Variants in ADAD1 observed in about 807,000 individuals in gnomAD.
ADAD1 encodes adenosine deaminase domain containing 1.
In ADAD1, 46 loss-of-function variants were observed where a neutral mutation model predicts 66.8. The observed-to-expected ratio is 0.69, with a 90% CI of 0.54 to 0.88. The LOEUF (loss-of-function observed/expected upper bound fraction) is 0.88, where lower values mean the gene tolerates loss of function less well. ADAD1 is among the 40% of genes least tolerant of loss of function. The probability of loss-of-function intolerance (pLI) is 0.00; values close to 1 mark genes in which losing one functional copy is unlikely to be tolerated. For missense variants in ADAD1, 617 were observed against 681.8 expected (o/e 0.91, Z 1.06); for synonymous variants, 248 against 229.4 (o/e 1.08, Z -0.73).
At chr4:122,395,254 T>C (rs966066688) in intron 6 of ADAD1, among the ~76,000 whole-genome samples, 3 of 151,840 alleles carry the variant, frequency 2.0e-5, no homozygotes, top group African/African-American at 4.8e-5. Context: ...TTTCACCATG[T>C]AGACCAGACT....
intron 4 of ADAD1, 140 bp from the exon 5 acceptor site, chr4:122,383,659 C>G: frequency 6.5e-6 from 6 of 919,800 alleles, no homozygotes; most frequent in Non-Finnish European, 9.6e-6. Flanking sequence ...CCTATTGGTC[C>G]TACAAAAGGA....
At chr4:122,426,580 C>A (rs1222848223) in intron 12 of ADAD1, among the ~76,000 whole-genome samples, 1 of 152,014 alleles carries the variant, frequency 6.6e-6, no homozygotes, top group Non-Finnish European at 1.5e-5. Context: ...TGTGAAAATC[C>A]TTAGCAAGAT....
In ADAD1 at chr4:122,396,264, T is replaced by C. The variant is rs766697064; in HGVS notation, c.611T>C (p.Ile204Thr). Residue 204 changes from isoleucine (I) to threonine (T), a missense_variant, in exon 7 of 13, where the codon ATT (isoleucine) becomes ACT (threonine). Coordinates refer to ENST00000296513, the MANE Select transcript of ADAD1 (RefSeq NM_139243.4). ...VSKVHYEGRH[I>T]QYAKISQIVK... ...GATTTTTTTCTAGAAGGGAGACATA[T>C]TCAATATGCAAAGATTTCACAGATC... The C allele has an allele frequency of 2.4e-5, 38 of 1,589,434 alleles. No homozygotes were observed. The South Asian group carries it at 3.9e-4, about 16-fold the overall frequency.
chr4:122,429,405 A>G (rs1429180661), intron 12 of ADAD1, among the ~76,000 whole-genome samples: 2 of 152,010 alleles, frequency 1.3e-5, no homozygotes, highest in Admixed American at 6.6e-5. Context: ...GCATGACAGA[A>G]CAAGACCTTG....
At chr4:122,393,733 G>A (rs961318292) in intron 6 of ADAD1, 76 bp downstream of exon 6, 2 of 1,161,016 alleles carry the variant, frequency 1.7e-6, no homozygotes, top group Non-Finnish European at 2.4e-6. Flanking sequence ...ATTAAAATAA[G>A]CATAGGTATG....
At position 122,392,368 on chromosome 4, in the gene ADAD1, C is replaced by G. The variant is rs185527647; in HGVS notation, c.530-1221C>G. ...TACACAACTGTGGACTACTATGCAGCCATTAAAAAAATAAAGTCATGTCCT... is the reference window on the plus strand; with the variant it reads ...TACACAACTGTGGACTACTATGCAGGCATTAAAAAAATAAAGTCATGTCCT... On this transcript the variant is annotated intron_variant, in intron 5 of 12. Transcript: ENST00000296513. Among the ~76,000 whole-genome samples the G allele has an allele frequency of 8.5e-5, 13 of 152,180 alleles. No individual in the cohort carries two copies. In the East Asian group the frequency reaches 2.5e-3, roughly 29 times the overall value.
intron 4 of ADAD1, among the ~76,000 whole-genome samples, chr4:122,382,446 T>C (rs1173391315): frequency 1.3e-5 from 2 of 152,142 alleles, no homozygotes; most frequent in African/African-American, 4.8e-5. Flanking sequence ...ACTAATAAAT[T>C]TTAGGTAAAA....
intron 6 of ADAD1, 59 bp downstream of exon 6, chr4:122,393,716 C>T: frequency 7.6e-7 from 1 of 1,308,616 alleles, no homozygotes; most frequent in East Asian, 2.4e-5. Context: ...AAAATAGTAA[C>T]AACATAATTA....
chr4:122,407,736 A>C (rs566775129), intron 7 of ADAD1, among the ~76,000 whole-genome samples, 172 bp from the exon 8 acceptor site: 3 of 152,150 alleles, frequency 2.0e-5, no homozygotes, highest in African/African-American at 7.2e-5. Context: ...CTGCCTTTTT[A>C]ATTTTGCTTC....
In ADAD1 at chr4:122,403,425, C is replaced by T. The variant is rs1327533284; in HGVS notation, c.725-4483C>T. ...TAGCGAAGTGGACTCTGTGGGAATC[C>T]TTGGTTATAGTTTTGTTTAGTGTGC... On this transcript the variant is annotated intron_variant, in intron 7 of 12. Coordinates refer to ENST00000296513, the MANE Select transcript of ADAD1 (RefSeq NM_139243.4). Among the ~76,000 whole-genome samples the T allele has an allele frequency of 1.3e-5, 2 of 152,090 alleles. 1 individual carries two copies. The highest frequency in any genetic ancestry group is 4.8e-5 in the African/African-American group (2 of 41,416).
intron 12 of ADAD1, among the ~76,000 whole-genome samples, chr4:122,426,765 T>C (rs1389033687): frequency 6.6e-6 from 1 of 152,204 alleles, no homozygotes; most frequent in African/African-American, 2.4e-5. Context: ...ACAAAATGCG[T>C]TTGACAAAGT....
intron 3 of ADAD1, chr4:122,380,643 C>T (rs1794847689): frequency 6.5e-6 from 2 of 306,002 alleles, no homozygotes; most frequent in Non-Finnish European, 1.2e-5. Flanking sequence ...CCAGAAGCTA[C>T]GTTTTAGTCC....
At position 122,415,492 on chromosome 4, in the gene ADAD1, A is replaced by T; in HGVS notation, c.1363A>T (p.Ser455Cys). The T allele has an allele frequency of 6.2e-7, 1 of 1,613,980 alleles. No homozygotes were observed. Residue 455 changes from serine (S) to cysteine (C), a missense_variant, in exon 11 of 13, where the codon AGT (serine) becomes TGT (cysteine). Ser to Cys is a moderately radical substitution (Grantham distance 112, BLOSUM62 -1). Transcript: ENST00000296513. Reference protein sequence around the residue: ...MFYLVNRPHISLVPSAYPLQM... With the variant: ...MFYLVNRPHICLVPSAYPLQM... ...TTACTTAGTCAACAGACCTCATATT[A>T]GTTTAGTACCCTCTGCATATCCCCT... is the stretch of plus-strand genomic sequence containing the variant.
chr4:122,412,723 A>G lies in ADAD1; in HGVS notation c.1163A>G (p.Lys388Arg), dbSNP rs1796522813. Reference sequence around the variant, plus strand: ...ATAAGCAGTATGTCCTCAAGTGACAAATTGACCAGATGGGAAGTGCTTGGT... The same window carrying G: ...ATAAGCAGTATGTCCTCAAGTGACAGATTGACCAGATGGGAAGTGCTTGGT... ...NRISSMSSSDKLTRWEVLGVQ... is the reference protein window; with the variant it reads ...NRISSMSSSDRLTRWEVLGVQ... The change falls in exon 10 of 13, where the codon AAA (lysine) becomes AGA (arginine). Residue 388 changes from lysine to arginine, a missense_variant. Transcript: ENST00000296513. 1 of 1,613,802 alleles carries G rather than the reference A, an allele frequency of 6.2e-7. No homozygotes were observed.
chr4:122,399,101 T>C (rs1223559538), intron 7 of ADAD1, among the ~76,000 whole-genome samples: 2 of 152,188 alleles, frequency 1.3e-5, no homozygotes. Context: ...TATGGCTTAA[T>C]GTCTTAGATT....
At chr4:122,395,225 A>G (rs1289981728) in intron 6 of ADAD1, among the ~76,000 whole-genome samples, 4 of 152,016 alleles carry the variant, frequency 2.6e-5, no homozygotes, top group Admixed American at 6.6e-5. Flanking sequence ...TAATTTTTGC[A>G]TTTTTAGTAG....
chr4:122,393,496 T>C (rs1795552206), intron 5 of ADAD1, 93 bp from the exon 6 acceptor site: 1 of 1,206,626 alleles, frequency 8.3e-7, no homozygotes, highest in African/African-American at 1.6e-5. Context: ...AAAAAAAATT[T>C]TTGGATTGCT....
At chr4:122,406,172 A>G (rs1191483209) in intron 7 of ADAD1, among the ~76,000 whole-genome samples, 1 of 152,202 alleles carries the variant, frequency 6.6e-6, no homozygotes, top group Non-Finnish European at 1.5e-5. Context: ...CACAATGCCT[A>G]TAAAAATTTA....
At chr4:122,393,130 A>G (rs1199060638) in intron 5 of ADAD1, among the ~76,000 whole-genome samples, 1 of 151,014 alleles carries the variant, frequency 6.6e-6, no homozygotes, top group African/African-American at 2.4e-5. Context: ...AAGCAGTTGT[A>G]AAGAGTGAGA....
Sources: gnomAD v4.1 joint callset for allele counts (sites outside exome capture counted in the v4.1 genomes callset) on GRCh38, gnomAD v4.1.1 for gene constraint, MANE v1.5 for transcripts, NCBI Gene and HGNC (gene_info 2026-07-23, HGNC 2026-07-21) for gene names.